The following WDPCP variants were observed in gnomAD, a reference collection of about 807,000 sequenced individuals.
WDPCP encodes the protein WD repeat-containing and planar cell polarity effector protein fritz homolog.
In WDPCP, 71 loss-of-function variants were observed where a neutral mutation model predicts 93.1. That is an observed-to-expected ratio of 0.76 (90% CI 0.63 to 0.93). The LOEUF (loss-of-function observed/expected upper bound fraction) is 0.93, where lower values mean the gene tolerates loss of function less well. Among genes scored for constraint, WDPCP ranks in the 40% least tolerant of loss-of-function variants. WDPCP has a pLI of 0.00. For synonymous variants in WDPCP, 315 were observed against 315.0 expected (o/e 1.00, Z 0.00); for missense variants, 844 against 887.4 (o/e 0.95, Z 0.62).
intron 2 of WDPCP, among the ~76,000 whole-genome samples, chr2:63,735,543 C>T (rs950566959): frequency 6.6e-6 from 1 of 152,044 alleles, no homozygotes; most frequent in African/African-American, 2.4e-5. Context: ...TTGTAGCCAA[C>T]AGAGAGCTAT....
intron 2 of WDPCP, among the ~76,000 whole-genome samples, chr2:63,668,788 C>G (rs1710313382): frequency 6.6e-6 from 1 of 152,154 alleles, no homozygotes; most frequent in Admixed American, 6.5e-5. Flanking sequence ...CTGTACACTC[C>G]TGGTTCTCTT....
At chr2:63,743,766 T>G (rs1286790370) in intron 2 of WDPCP, among the ~76,000 whole-genome samples, 2 of 152,138 alleles carry the variant, frequency 1.3e-5, no homozygotes, top group East Asian at 1.9e-4. Context: ...ATGAGCTGCT[T>G]AAAAGTAACA....
Position 63,671,183 on chromosome 2 carries a change from T to C in WDPCP, n.309-20345A>G, listed in dbSNP as rs545583587. ...TCTGACTGCCATGAGGTGTGCCTAC[T>C]AGACCTCCAACTACATAGAGTGTAA... is the stretch of plus-strand genomic sequence containing the variant. On this transcript the variant is annotated intron_variant and non_coding_transcript_variant, in intron 2 of 4. Coordinates refer to the WDPCP transcript ENST00000467687. 2.0e-4 allele frequency among the ~76,000 whole-genome samples: 31 copies of C among 152,284 alleles called. No individual in the cohort carries two copies. In the South Asian group the frequency reaches 6.0e-3, roughly 30 times the overall value.
chr2:63,700,493 G>A (rs576778066), intron 2 of WDPCP, among the ~76,000 whole-genome samples: 14 of 152,114 alleles, frequency 9.2e-5, no homozygotes, highest in Non-Finnish European at 1.9e-4. Flanking sequence ...GATGGATAAC[G>A]AAGACAAATG....
chr2:63,829,976 T>C (rs1303879122), upstream of WDPCP, among the ~76,000 whole-genome samples: 1 of 152,120 alleles, frequency 6.6e-6, no homozygotes, highest in Non-Finnish European at 1.5e-5. Context: ...CTTTTCTTAT[T>C]ATGTCCACTG....
At chr2:63,250,836 C>T (rs933197927) in intron 14 of WDPCP, among the ~76,000 whole-genome samples, 1 of 152,092 alleles carries the variant, frequency 6.6e-6, no homozygotes, top group African/African-American at 2.4e-5. Context: ...TTTTATGGCA[C>T]TATTATATTA....
intron 13 of WDPCP, among the ~76,000 whole-genome samples, chr2:63,310,828 C>T (rs1686131368): frequency 6.6e-6 from 1 of 152,096 alleles, no homozygotes. Flanking sequence ...CACTGCATTC[C>T]AACCTAAGTG....
intron 2 of WDPCP, among the ~76,000 whole-genome samples, chr2:63,662,263 T>G (rs1010602206): frequency 2.0e-5 from 3 of 152,188 alleles, no homozygotes; most frequent in African/African-American, 4.8e-5. Context: ...CAGCTACCTC[T>G]CTGAACTTTG....
chr2:63,313,886 A>ATATGTGTGTGTGTATATATATATATATAT, intron 12 of WDPCP, among the ~76,000 whole-genome samples: 4 of 74,502 alleles, frequency 5.4e-5, no homozygotes, highest in African/African-American at 1.0e-4. Context: ...ATATATATAT[A>ATATGTGTGTGTGTATATATATATATATAT]TTTTTTTTTT....
chr2:63,378,609 T>G (rs1692050725), intron 11 of WDPCP, 100 bp from the exon 12 acceptor site: 1 of 1,499,414 alleles, frequency 6.7e-7, no homozygotes, highest in Non-Finnish European at 9.2e-7. Context: ...CAGACTTGGA[T>G]GAAACATGAA....
intron 6 of WDPCP, among the ~76,000 whole-genome samples, chr2:63,465,365 G>C (rs1177402239): frequency 6.6e-6 from 1 of 152,090 alleles, no homozygotes; most frequent in Non-Finnish European, 1.5e-5. Flanking sequence ...GGAGCAGTCT[G>C]TGCTTTCCAC....
chr2:63,585,663 A>G (rs751042893), intron 1 of WDPCP, among the ~76,000 whole-genome samples: 5 of 152,126 alleles, frequency 3.3e-5, no homozygotes, highest in Non-Finnish European at 5.9e-5. Context: ...TCTAAATATT[A>G]CATTGTTACT....
chr2:63,804,872 A>G (rs1345983322), intron 2 of WDPCP, among the ~76,000 whole-genome samples: 2 of 151,870 alleles, frequency 1.3e-5, no homozygotes, highest in Non-Finnish European at 2.9e-5. Flanking sequence ...TACTAAAAAT[A>G]TAAAAATTAG....
rs185736834 is a variant in WDPCP, at chr2:63,374,015, T to C, written c.1748+4371A>G. Among the ~76,000 whole-genome samples, 4 of 152,162 alleles carry C rather than the reference T, an allele frequency of 2.6e-5. No individual in the cohort carries two copies. The East Asian group carries it at 5.8e-4, about 22-fold the overall frequency. ...ATTAGACATTAGTGTATATGCTTTA[T>C]ATGATCAATTTTTGTTTAGGTTTCC... On this transcript the variant is annotated intron_variant, in intron 12 of 17. Transcript: ENST00000272321.
chr2:63,337,463 T>G (rs1688465726), intron 12 of WDPCP, among the ~76,000 whole-genome samples: 2 of 152,232 alleles, frequency 1.3e-5, no homozygotes, highest in African/African-American at 4.8e-5. Context: ...GGCAAAAATC[T>G]GTTGGATATA....
At chr2:63,372,192 T>C (rs985768604) in intron 12 of WDPCP, among the ~76,000 whole-genome samples, 1 of 152,132 alleles carries the variant, frequency 6.6e-6, no homozygotes, top group Non-Finnish European at 1.5e-5. Flanking sequence ...AATATGGTCA[T>C]TTGGGTCATG....
At chr2:63,529,137 A>C (rs1468072107) in intron 1 of WDPCP, among the ~76,000 whole-genome samples, 1 of 152,184 alleles carries the variant, frequency 6.6e-6, no homozygotes, top group African/African-American at 2.4e-5. Context: ...GGTTTTCTAA[A>C]TATACAATCG....
intron 13 of WDPCP, among the ~76,000 whole-genome samples, chr2:63,262,453 T>C (rs533859539): frequency 2.7e-5 from 4 of 149,082 alleles, no homozygotes; most frequent in Admixed American, 1.3e-4. Flanking sequence ...TTAAAATTAA[T>C]AGGTCAAAAC....
intron 6 of WDPCP, chr2:63,443,259 A>G (rs1052723834): frequency 6.6e-6 from 1 of 152,188 alleles, no homozygotes; most frequent in African/African-American, 2.4e-5. Context: ...CAGATAATAA[A>G]ACAAATAGTT....
Sources: allele counts gnomAD v4.1 joint callset (sites outside exome capture counted in the v4.1 genomes callset), GRCh38; gene constraint gnomAD v4.1.1; transcripts MANE v1.5; gene names NCBI Gene and HGNC (gene_info 2026-07-23, HGNC 2026-07-21).